The following TMEM67 variants were observed in gnomAD, a reference collection of about 807,000 sequenced individuals.
The protein encoded by TMEM67 is transmembrane protein 67.
A neutral mutation model predicts 136.6 loss-of-function variants in TMEM67; 124 were observed. The observed-to-expected ratio is 0.91, with a 90% CI of 0.78 to 1.05. The LOEUF (loss-of-function observed/expected upper bound fraction) is 1.05. TMEM67 is among the 50% of genes least tolerant of loss of function. TMEM67 has a pLI of 0.00. For missense variants in TMEM67, 1,107 were observed against 1,178.4 expected (o/e 0.94, Z 0.89); for synonymous variants, 364 against 390.5 (o/e 0.93, Z 0.80).
the TMEM67 span, among the ~76,000 whole-genome samples, chr8:93,828,226 T>C: frequency 2.6e-5 from 4 of 152,266 alleles, no homozygotes; most frequent in East Asian, 5.8e-4. Flanking sequence ...TATGAACTTA[T>C]TTCACTTGAC....
intron 3 of TMEM67, chr8:93,762,135 G>A (rs565064355): frequency 6.6e-6 from 1 of 152,188 alleles, no homozygotes; most frequent in South Asian, 2.1e-4. Context: ...GGTGCCTGTA[G>A]TCCCAGCTAC....
At chr8:93,779,625 G>A (rs1813718696) in intron 7 of TMEM67, among the ~76,000 whole-genome samples, 2 of 152,116 alleles carry the variant, frequency 1.3e-5, no homozygotes, top group South Asian at 2.1e-4. Context: ...CTTCTAACAG[G>A]TCCCTCAGCT....
chr8:93,779,289 A>G (rs556030676), intron 7 of TMEM67, among the ~76,000 whole-genome samples: 1 of 152,166 alleles, frequency 6.6e-6, no homozygotes, highest in East Asian at 1.9e-4. Context: ...CTTCCTTCCG[A>G]CGGGTTCGAA....
chr8:93,809,401 TG>T (rs1038187157), intron 25 of TMEM67, among the ~76,000 whole-genome samples: 3 of 152,174 alleles, frequency 2.0e-5, no homozygotes, highest in Admixed American at 2.0e-4. Flanking sequence ...AAAAGTAAAA[TG>T]AAATTTTATG....
In TMEM67 at chr8:93,799,697, A is replaced by C. The variant is rs762534715; in HGVS notation, c.2180A>C (p.Tyr727Ser). The C allele has an allele frequency of 1.2e-6, 2 of 1,613,318 alleles. No individual in the cohort carries two copies. Among genetic ancestry groups the C allele is most frequent in the Admixed American group, 3.3e-5 (2 of 60,018 alleles). ...AACCCACCTAGCTACATAGCTCCTT[A>C]TAGCTGCATTTTGAGATATGCAGTG... Reference protein sequence around the residue: ...SRNPPSYIAPYSCILRYAVSA... With the variant: ...SRNPPSYIAPSSCILRYAVSA... Residue 727 changes from tyrosine (Y) to serine (S), a missense_variant, in exon 21 of 28, where the codon TAT (tyrosine) becomes TCT (serine). By Grantham distance (144) the Tyr-to-Ser change is moderately radical (BLOSUM62 -2). Coordinates refer to ENST00000453321, the MANE Select transcript of TMEM67 (RefSeq NM_153704.6).
intron 6 of TMEM67, among the ~76,000 whole-genome samples, chr8:93,770,360 C>A (rs898497793): frequency 4.6e-5 from 7 of 152,102 alleles, no homozygotes; most frequent in Admixed American, 6.5e-5. Flanking sequence ...TAGAATCACA[C>A]CCAAGGAATT....
At chr8:93,785,450 T>G (rs1176547275) in intron 12 of TMEM67, 72 bp downstream of exon 12, 26 of 1,429,124 alleles carry the variant, frequency 1.8e-5, no homozygotes, top group Non-Finnish European at 2.0e-6. Flanking sequence ...CATGATAATT[T>G]AATAAACCAC....
chr8:93,770,755 C>T (rs912714531), intron 6 of TMEM67, among the ~76,000 whole-genome samples: 7 of 152,122 alleles, frequency 4.6e-5, no homozygotes, highest in Non-Finnish European at 1.0e-4. Flanking sequence ...TGGCTCACTC[C>T]TTTAATCCCA....
intron 16 of TMEM67, chr8:93,794,821 C>T: frequency 6.2e-6 from 1 of 160,642 alleles, no homozygotes; most frequent in Admixed American, 5.9e-5. Context: ...AGTCTGTGCT[C>T]TCAGAAATCA....
the TMEM67 span, among the ~76,000 whole-genome samples, chr8:93,826,986 C>T: frequency 3.3e-5 from 5 of 152,014 alleles, no homozygotes; most frequent in South Asian, 2.1e-4. Context: ...CGTGCCACCA[C>T]GCCCAGCTAA....
rs187109087 is a variant in TMEM67 at position 93,770,007 on chromosome 8, A to T, written c.652-2582A>T. ...GGAATATACTTGCCAATCAGAAAAA[A>T]ATTTTCACATACATGAGTTAGTGTC... On this transcript the variant is annotated intron_variant, in intron 6 of 27. Coordinates refer to ENST00000453321, the MANE Select transcript of TMEM67 (RefSeq NM_153704.6). 2.8e-4 allele frequency among the ~76,000 whole-genome samples: 42 copies of T among 152,276 alleles called. 1 individual carries two copies. The highest frequency in any genetic ancestry group is 5.4e-4 in the Non-Finnish European group (37 of 68,012).
rs1193640156 is a variant in TMEM67, at chr8:93,777,651, CGTT to C, written c.715-2939_715-2937del. 7.9e-5 allele frequency among the ~76,000 whole-genome samples: 12 copies of C among 152,170 alleles called. No individual in the cohort carries two copies. In the South Asian group the frequency reaches 2.5e-3, roughly 32 times the overall value. On this transcript the variant is annotated intron_variant, in intron 7 of 27. Coordinates refer to ENST00000453321, the MANE Select transcript of TMEM67 (RefSeq NM_153704.6). ...GGAGCAAGTTGTTCAGTTTCCATGTCGTTGTGTGGTTTTGAGTGAGTTTCTTAA... is the reference window on the plus strand; with the variant it reads ...GGAGCAAGTTGTTCAGTTTCCATGTCGTGTGGTTTTGAGTGAGTTTCTTAA...
At chr8:93,810,519 G>T (rs1401106783) in intron 26 of TMEM67, among the ~76,000 whole-genome samples, 2 of 152,058 alleles carry the variant, frequency 1.3e-5, no homozygotes, top group Non-Finnish European at 2.9e-5. Context: ...GGCAGAGGTT[G>T]CAGTGAGCTG....
chr8:93,758,147 TTTGTG>T (rs202105297), intron 2 of TMEM67, among the ~76,000 whole-genome samples: 3,872 of 152,322 alleles, frequency 0.025, 70 homozygotes, highest in South Asian at 0.1. Context: ...ATTCAATCTT[TTTGTG>T]TTGTGTTGTG....
At chr8:93,787,620 A>G (rs374371423) in intron 13 of TMEM67, among the ~76,000 whole-genome samples, 2 of 152,250 alleles carry the variant, frequency 1.3e-5, no homozygotes, top group Non-Finnish European at 2.9e-5. Flanking sequence ...TTTTTCTTTA[A>G]TCTTACACCA....
intron 2 of TMEM67, chr8:93,756,115 G>C: frequency 2.7e-6 from 1 of 364,308 alleles, no homozygotes; most frequent in Non-Finnish European, 4.9e-6. Flanking sequence ...TTAAGTTTTT[G>C]TTTTTACTCG....
Position 93,780,948 on chromosome 8 carries a change from T to G in TMEM67, c.944T>G (p.Leu315Arg). 1 of 1,611,740 alleles carries G rather than the reference T, an allele frequency of 6.2e-7. No homozygotes were observed. The highest frequency in any genetic ancestry group is 1.1e-5 in the South Asian group (1 of 90,976). Residue 315 changes from leucine to arginine, a missense_variant, in exon 9 of 28, where the codon CTT becomes CGT. Leu to Arg is a moderately radical substitution (Grantham distance 102). This residue lies in a region of TMEM67 where 925 missense variants were observed against 1,002.4 expected (regional missense o/e 0.92). Coordinates refer to ENST00000453321, the MANE Select transcript of TMEM67 (RefSeq NM_153704.6). ...LAPQVLSSTS[L>R]PTNFSFKGEN... ...CCTCAAGTGCTCAGTTCTACCTCTC[T>G]TCCTACAAATTTCAGTTTTAAAGGA... is the stretch of plus-strand genomic sequence containing the variant.
chr8:93,825,636 A>G, the TMEM67 span, among the ~76,000 whole-genome samples: 57 of 152,338 alleles, frequency 3.7e-4, no homozygotes, highest in African/African-American at 1.2e-3. Flanking sequence ...GAAGGAGTTG[A>G]TATCCATATA....
intron 7 of TMEM67, 82 bp from the exon 8 acceptor site, chr8:93,780,511 G>A: frequency 1.9e-6 from 3 of 1,561,814 alleles, no homozygotes; most frequent in Non-Finnish European, 2.6e-6. Flanking sequence ...GAACAGACCT[G>A]CACAAAGTAA....
Sources: allele counts gnomAD v4.1 joint callset (sites outside exome capture counted in the v4.1 genomes callset), GRCh38; gene constraint gnomAD v4.1.1; regional missense constraint gnomAD v4.1.1; transcripts MANE v1.5; gene names NCBI Gene and HGNC (gene_info 2026-07-23, HGNC 2026-07-21).